HMGCLL1: variants seen among roughly 807,000 people sequenced by gnomAD.
HMGCLL1 encodes the protein 3-hydroxymethyl-3-methylglutaryl-CoA lyase, cytoplasmic.
In HMGCLL1, 36 loss-of-function variants were observed where a neutral mutation model predicts 39.1. The observed-to-expected ratio is 0.92, with a 90% CI of 0.71 to 1.22. The LOEUF (loss-of-function observed/expected upper bound fraction) is 1.22. HMGCLL1 is among the 50% of genes most tolerant of loss of function. HMGCLL1 has a pLI of 0.00. For missense variants in HMGCLL1, 451 were observed against 416.5 expected, an observed-to-expected ratio of 1.08 and a Z score of -0.72; for synonymous variants, 149 against 144.0, an observed-to-expected ratio of 1.03 and a Z score of -0.25.
At chr6:55,609,706 C>T in the HMGCLL1 span, among the ~76,000 whole-genome samples, 2 of 152,134 alleles carry the variant, frequency 1.3e-5, no homozygotes, top group African/African-American at 4.8e-5. Context: ...GGTCCTTGTT[C>T]CCATGCTCTC....
upstream of HMGCLL1, among the ~76,000 whole-genome samples, chr6:55,583,397 C>G (rs1458476062): frequency 2.0e-5 from 3 of 151,816 alleles, no homozygotes; most frequent in South Asian, 4.2e-4. Context: ...TTCCTATGTC[C>G]GTGTGTTCTC....
At chr6:55,512,194 T>TA (rs1017998578) in intron 5 of HMGCLL1, 4 of 152,214 alleles carry the variant, frequency 2.6e-5, no homozygotes, top group African/African-American at 7.2e-5. Context: ...CTTTCAACAC[T>TA]AAAAAAACCC....
chr6:55,652,337 A>G, the HMGCLL1 span, among the ~76,000 whole-genome samples: 8,363 of 151,950 alleles, frequency 0.055, 388 homozygotes, highest in Non-Finnish European at 0.077. Flanking sequence ...CAATATCAAC[A>G]CTCTTTAAAA....
At chr6:55,604,719 A>G in the HMGCLL1 span, among the ~76,000 whole-genome samples, 1 of 152,174 alleles carries the variant, frequency 6.6e-6, no homozygotes, top group African/African-American at 2.4e-5. Context: ...TTGGCAGAAA[A>G]CCCAAATCTA....
At chr6:55,516,689 A>G (rs1767758849) in intron 3 of HMGCLL1, 86 bp from the exon 4 acceptor site, 2 of 805,110 alleles carry the variant, frequency 2.5e-6, no homozygotes. Context: ...TTATAGTTAC[A>G]TGGACAGTTA....
intron 3 of HMGCLL1, among the ~76,000 whole-genome samples, chr6:55,538,583 T>C (rs920928126): frequency 2.6e-5 from 4 of 152,168 alleles, no homozygotes; most frequent in African/African-American, 7.2e-5. Context: ...AATAGTTTTG[T>C]GACCTTCATT....
rs1561921702 is a variant in HMGCLL1 at position 55,502,712 on chromosome 6, G to GT, written c.543-3414_543-3413insA. ...CTAATTTTGTTTTCTGTAAAGATCT[G>GT]GTTTTTTTTTTTTTGCTTGCATTGT... On this transcript the variant is annotated intron_variant, in intron 5 of 8. Coordinates refer to ENST00000274901, the MANE Select transcript of HMGCLL1 (RefSeq NM_001042406.2). Among the ~76,000 whole-genome samples the GT allele has an allele frequency of 6.3e-3, 448 of 71,538 alleles. 1 individual carries two copies. The highest frequency in any genetic ancestry group is 0.033 in the South Asian group (88 of 2,702). The allele number at this position is 71,538 out of a possible 152,430, so 46.9% of individuals were successfully genotyped here.
chr6:55,606,580 A>G, the HMGCLL1 span, among the ~76,000 whole-genome samples: 1 of 152,138 alleles, frequency 6.6e-6, no homozygotes, highest in Non-Finnish European at 1.5e-5. Flanking sequence ...ATTTATAAAA[A>G]TATTTAGGCA....
the HMGCLL1 span, among the ~76,000 whole-genome samples, chr6:55,634,128 A>C: frequency 3.9e-5 from 6 of 152,144 alleles, no homozygotes; most frequent in African/African-American, 1.4e-4. Flanking sequence ...AGCAATATTA[A>C]TATGTAAAGT....
At chr6:55,444,817 A>G (rs1009441580) in intron 7 of HMGCLL1, among the ~76,000 whole-genome samples, 4 of 152,054 alleles carry the variant, frequency 2.6e-5, no homozygotes, top group Non-Finnish European at 5.9e-5. Flanking sequence ...TAAATCCAAG[A>G]CTGAATTTAT....
At chr6:55,530,354 T>G (rs1768592874) in intron 3 of HMGCLL1, among the ~76,000 whole-genome samples, 1 of 151,702 alleles carries the variant, frequency 6.6e-6, no homozygotes, top group African/African-American at 2.4e-5. Context: ...GTCCAAGACA[T>G]TTATAAAATA....
chr6:55,474,103 C>A (rs1238553049), intron 7 of HMGCLL1, among the ~76,000 whole-genome samples: 3 of 151,394 alleles, frequency 2.0e-5, no homozygotes, highest in Admixed American at 6.6e-5. Flanking sequence ...CAGTATTTAT[C>A]CTGCTTGACA....
intron 3 of HMGCLL1, among the ~76,000 whole-genome samples, chr6:55,540,700 T>A (rs1769381687): frequency 6.6e-6 from 1 of 152,108 alleles, no homozygotes; most frequent in South Asian, 2.1e-4. Context: ...ATCCAGATTT[T>A]AAAGGAAAGA....
chr6:55,586,482 T>A, the HMGCLL1 span, among the ~76,000 whole-genome samples: 1 of 152,010 alleles, frequency 6.6e-6, no homozygotes, highest in East Asian at 1.9e-4. Flanking sequence ...GCCATGTCGG[T>A]GTGCTGCACC....
upstream of HMGCLL1, among the ~76,000 whole-genome samples, chr6:55,583,531 T>C (rs1229849063): frequency 6.6e-6 from 1 of 152,158 alleles, no homozygotes; most frequent in Non-Finnish European, 1.5e-5. Context: ...GAACTCATCC[T>C]TTTTTATGGC....
At chr6:55,668,395 C>T in the HMGCLL1 span, among the ~76,000 whole-genome samples, 1 of 151,850 alleles carries the variant, frequency 6.6e-6, no homozygotes. Context: ...TCTTTATCAG[C>T]CAGAGTCAGC....
In HMGCLL1 at chr6:55,553,852, C is replaced by T. The variant is rs561306308; in HGVS notation, c.109-11712G>A. Among the ~76,000 whole-genome samples the T allele has an allele frequency of 1.3e-4, 20 of 152,314 alleles. No individual in the cohort carries two copies. The South Asian group carries it at 3.9e-3, about 30-fold the overall frequency. On this transcript the variant is annotated intron_variant, in intron 1 of 8. Transcript: ENST00000274901. ...TGATAGTAGAGCAGATTACCTTACA[C>T]AGCTCTTGCCACAATCAAAATAATA... is the stretch of plus-strand genomic sequence containing the variant.
intron 6 of HMGCLL1, 24 bp downstream of exon 6, chr6:55,499,211 CA>C: frequency 6.9e-6 from 11 of 1,588,182 alleles, no homozygotes; most frequent in Admixed American, 3.6e-5. Flanking sequence ...TACCATAAAC[CA>C]AAAAAGCTGA....
the HMGCLL1 span, among the ~76,000 whole-genome samples, chr6:55,663,884 G>A: frequency 6.6e-6 from 1 of 151,856 alleles, no homozygotes; most frequent in East Asian, 1.9e-4. Flanking sequence ...ATTTAGGAGA[G>A]TTAGTTTCTT....
Sources: allele counts gnomAD v4.1 joint callset (sites outside exome capture counted in the v4.1 genomes callset), GRCh38; gene constraint gnomAD v4.1.1; transcripts MANE v1.5; gene names NCBI Gene and HGNC (gene_info 2026-07-23, HGNC 2026-07-21).